P2RX5: variants seen among roughly 807,000 people sequenced by gnomAD.
P2RX5 encodes purinergic receptor P2X 5, also known as P2X purinoceptor 5.
Under a neutral mutation model 54.1 loss-of-function variants are expected in P2RX5, and 46 were observed. That is an observed-to-expected ratio of 0.85 (90% CI 0.67 to 1.09). The LOEUF is 1.09. P2RX5 is among the 50% of genes least tolerant of loss of function. The pLI, the probability that P2RX5 is intolerant of heterozygous loss-of-function variation, is 0.00. For missense variants in P2RX5, 566 were observed against 549.8 expected, an observed-to-expected ratio of 1.03 and a Z score of -0.29; for synonymous variants, 226 against 226.4, an observed-to-expected ratio of 1.00 and a Z score of 0.02.
intron 10 of P2RX5, 61 bp from the exon 11 acceptor site, chr17:3,679,845 G>A (rs1176021106): frequency 2.5e-5 from 36 of 1,421,450 alleles, no homozygotes; most frequent in East Asian, 4.6e-5. Context: ...CCTCCTAGAC[G>A]GGCGGAGTGG....
At chr17:3,710,924 T>TCAAAAAAA in the P2RX5 span, among the ~76,000 whole-genome samples, 1 of 152,078 alleles carries the variant, frequency 6.6e-6, no homozygotes, top group African/African-American at 2.4e-5. Flanking sequence ...AGACCCTGTC[T>TCAAAAAAA]CAAAAAAACA....
intron 2 of P2RX5, 84 bp from the exon 3 acceptor site, chr17:3,691,111 G>A (rs533578599): frequency 3.5e-5 from 36 of 1,025,192 alleles, no homozygotes; most frequent in South Asian, 1.9e-4. Context: ...GAAAGAGGGC[G>A]GTCCCTCTGC....
Position 3,690,122 on chromosome 17 carries a change from A to C in P2RX5, c.562T>G (p.Phe188Val), listed in dbSNP as rs776463411. 1.9e-5 allele frequency: 30 copies of C among 1,614,080 alleles called. No individual in the cohort carries two copies. Among genetic ancestry groups the C allele is most frequent in the Non-Finnish European group, 2.4e-5 (28 of 1,180,030 alleles). The stretch of plus-strand genomic sequence containing the variant: ...ATGTGGTTCTTTATGAAAATGGTGA[A>C]GTCTTCGGCCTCCTTCAGGAATGGC... ...EEPFLKEAED[F>V]TIFIKNHIRF... The change falls in exon 6 of 12, where the codon TTC becomes GTC. Residue 188 changes from phenylalanine to valine, a missense_variant. Physicochemically the swap from Phe to Val is conservative, Grantham distance 50 (BLOSUM62 -1). Coordinates refer to ENST00000225328, the MANE Select transcript of P2RX5 (RefSeq NM_002561.4).
chr17:3,697,455 A>G (rs970800917), upstream of P2RX5, among the ~76,000 whole-genome samples: 1 of 152,098 alleles, frequency 6.6e-6, no homozygotes, highest in African/African-American at 2.4e-5. Context: ...CAGTCTGACC[A>G]CAAGCAGTCC....
chr17:3,716,916 A>G, the P2RX5 span: 1 of 623,218 alleles, frequency 1.6e-6, no homozygotes, highest in Non-Finnish European at 2.9e-6. Context: ...TATTGATCAA[A>G]GCTGATGACA....
chr17:3,706,179 T>G, the P2RX5 span, among the ~76,000 whole-genome samples: 1 of 152,030 alleles, frequency 6.6e-6, no homozygotes, highest in Non-Finnish European at 1.5e-5. Flanking sequence ...AGTCTCGATC[T>G]CCTGACCCCG....
chr17:3,677,287 G>C (rs915046286), intron 11 of P2RX5: 8 of 985,246 alleles, frequency 8.1e-6, no homozygotes, highest in Non-Finnish European at 9.6e-6. Flanking sequence ...GCAGGAGCTC[G>C]GCAGGGTCAA....
chr17:3,708,136 G>A, the P2RX5 span, among the ~76,000 whole-genome samples: 1 of 150,650 alleles, frequency 6.6e-6, no homozygotes, highest in East Asian at 2.0e-4. Flanking sequence ...GCCTCTCCCA[G>A]AAGCGGAAGG....
upstream of P2RX5, among the ~76,000 whole-genome samples, chr17:3,697,781 CA>C (rs2143002864): frequency 6.6e-6 from 1 of 152,276 alleles, no homozygotes; most frequent in East Asian, 1.9e-4. Flanking sequence ...GCCATTTCTT[CA>C]AAAAGGCCTG....
intron 5 of P2RX5, 45 bp from the exon 6 acceptor site, chr17:3,690,195 G>A: frequency 1.3e-6 from 2 of 1,545,244 alleles, no homozygotes; most frequent in Non-Finnish European, 1.8e-6. Flanking sequence ...CCCCACCCCT[G>A]TGCCCCTCCC....
intron 11 of P2RX5, among the ~76,000 whole-genome samples, chr17:3,678,344 T>C (rs160581): frequency 0.57 from 87,120 of 152,100 alleles, 25,600 homozygotes; most frequent in East Asian, 0.76. Context: ...CGGCAAGGAG[T>C]AGCAGCAATT....
the P2RX5 span, among the ~76,000 whole-genome samples, chr17:3,705,982 G>C: frequency 6.6e-6 from 1 of 151,008 alleles, no homozygotes; most frequent in East Asian, 2.0e-4. Context: ...TTAAGACAGA[G>C]TCTCACTCTG....
rs1341756717 is a variant in P2RX5, at chr17:3,696,029, G to A, written c.-24C>T. 2.5e-6 allele frequency: 4 copies of A among 1,611,912 alleles called. No individual in the cohort carries two copies. Among genetic ancestry groups the A allele is most frequent in the Non-Finnish European group, 2.5e-6 (3 of 1,179,066 alleles). ...ATGGCGCGCTCTCAGCCGGGCTTGC[G>A]GACCGCCCGGCCCACGTGCGCTCAT... On this transcript the variant is annotated 5_prime_UTR_variant, in exon 1 of 12. Coordinates refer to ENST00000225328, the MANE Select transcript of P2RX5 (RefSeq NM_002561.4).
In P2RX5 at chr17:3,680,734, T is replaced by A. The variant is rs1275709241; in HGVS notation, c.1065-950A>T. Among the ~76,000 whole-genome samples, 346 of 87,538 alleles carry A rather than the reference T, an allele frequency of 4.0e-3. 6 individuals are homozygous for A. Among genetic ancestry groups the A allele is most frequent in the African/African-American group, 0.015 (317 of 21,122 alleles). The allele number at this position is 87,538 out of a possible 152,430, so 57.4% of individuals were successfully genotyped here. ...ATCCTCCACCCTGCATCCTCCACCC[T>A]GCGTCCTCCACCCAGCGTCCTCCAC... On this transcript the variant is annotated intron_variant, in intron 10 of 11. Transcript: ENST00000225328.
chr17:3,707,626 A>G, the P2RX5 span, among the ~76,000 whole-genome samples: 9 of 152,120 alleles, frequency 5.9e-5, no homozygotes, highest in Non-Finnish European at 8.8e-5. Flanking sequence ...AACGTCTGGC[A>G]GTTCTGGGAA....
At chr17:3,689,858 G>GCACGCACACACGCGAACA (rs2050554814) in intron 6 of P2RX5, among the ~76,000 whole-genome samples, 1 of 151,076 alleles carries the variant, frequency 6.6e-6, no homozygotes, top group Non-Finnish European at 1.5e-5. Flanking sequence ...ACGCGTGCAC[G>GCACGCACACACGCGAACA]CACGCACACA....
At chr17:3,680,300 T>TGTCCTCCACCCTGCATCCTCCACCCTGC (rs1567730307) in intron 10 of P2RX5, among the ~76,000 whole-genome samples, 2 of 19,782 alleles carry the variant, frequency 1.0e-4, no homozygotes, top group African/African-American at 2.2e-4. Flanking sequence ...CTCCACCCAG[T>TGTCCTCCACCCTGCATCCTCCACCCTGC]GTCCTCCACC....
At chr17:3,716,996 T>C in the P2RX5 span, 1 of 511,268 alleles carries the variant, frequency 2.0e-6, no homozygotes, top group Non-Finnish European at 3.5e-6. Flanking sequence ...ATCACCCAAA[T>C]ACTTCGTAAG....
the P2RX5 span, among the ~76,000 whole-genome samples, chr17:3,701,882 A>G: frequency 7.9e-5 from 12 of 151,740 alleles, no homozygotes; most frequent in East Asian, 2.4e-3. Flanking sequence ...CAGCCTCCCA[A>G]ATAGCTGGGA....
Sources: allele counts gnomAD v4.1 joint callset (sites outside exome capture counted in the v4.1 genomes callset), GRCh38; gene constraint gnomAD v4.1.1; transcripts MANE v1.5; gene names NCBI Gene and HGNC (gene_info 2026-07-23, HGNC 2026-07-21).